TTC17: variants seen among roughly 807,000 people sequenced by gnomAD.
TTC17 encodes the protein tetratricopeptide repeat protein 17.
TTC17 carries 58 observed loss-of-function variants against 143.8 expected under a neutral mutation model. The ratio of observed to expected loss-of-function variants is 0.40; its 90% CI spans 0.33 to 0.50. The LOEUF (loss-of-function observed/expected upper bound fraction) is 0.50. Ranked by LOEUF, TTC17 falls within the 20% of genes least tolerant of loss-of-function variation. The pLI is 0.49. For synonymous variants in TTC17, 501 were observed against 497.8 expected (o/e 1.01, Z -0.09); for missense variants, 1,273 against 1,392.5 (o/e 0.91, Z 1.37).
intron 15 of TTC17, among the ~76,000 whole-genome samples, chr11:43,407,790 GTTT>G (rs200135125): frequency 6.9e-6 from 1 of 143,922 alleles, no homozygotes; most frequent in African/African-American, 2.5e-5. Flanking sequence ...ACACAGTTAA[GTTT>G]TTTTTTTTTT....
intron 22 of TTC17, 161 bp from the exon 23 acceptor site, chr11:43,491,859 A>T (rs887157748): frequency 1.3e-6 from 1 of 790,048 alleles, no homozygotes; most frequent in East Asian, 2.6e-5. Context: ...CAAGCACCTT[A>T]TCTATCACAG....
At chr11:43,412,069 A>G (rs1003241712) in intron 15 of TTC17, among the ~76,000 whole-genome samples, 1 of 152,238 alleles carries the variant, frequency 6.6e-6, no homozygotes, top group East Asian at 1.9e-4. Flanking sequence ...AAATATAAAA[A>G]CACTATAGAT....
chr11:43,378,143 T>C (rs1474111720), intron 1 of TTC17, among the ~76,000 whole-genome samples: 1 of 152,198 alleles, frequency 6.6e-6, no homozygotes, highest in African/African-American at 2.4e-5. Flanking sequence ...CCTCAGGTGA[T>C]CCACCTGCCT....
chr11:43,487,072 A>C lies in TTC17; in HGVS notation c.3031-3167A>C, dbSNP rs147631833. Among the ~76,000 whole-genome samples the C allele has an allele frequency of 4.6e-3, 695 of 152,258 alleles. 2 individuals carry two copies. The highest frequency in any genetic ancestry group is 8.0e-3 in the Non-Finnish European group (543 of 68,020). ...CAGAAAAAAGAAGAAATTATATATT[A>C]TATGTGTATTTAATTATTTATGTTC... On this transcript the variant is annotated intron_variant, in intron 21 of 23. Coordinates refer to ENST00000039989, the MANE Select transcript of TTC17 (RefSeq NM_018259.6).
At chr11:43,413,818 CAG>C (rs1554990890) in intron 15 of TTC17, among the ~76,000 whole-genome samples, 3 of 152,056 alleles carry the variant, frequency 2.0e-5, no homozygotes, top group African/African-American at 4.8e-5. Context: ...ACTGACAATA[CAG>C]AGTCTCTGAA....
In TTC17 at chr11:43,481,360, T is replaced by A. The variant is rs79522432; in HGVS notation, c.3031-8879T>A. Among the ~76,000 whole-genome samples the A allele has an allele frequency of 4.7e-3, 720 of 152,310 alleles. 7 individuals carry two copies. Among genetic ancestry groups the A allele is most frequent in the African/African-American group, 0.016 (681 of 41,570 alleles). On this transcript the variant is annotated intron_variant, in intron 21 of 23. Coordinates refer to ENST00000039989, the MANE Select transcript of TTC17 (RefSeq NM_018259.6). ...AGGGATATTGGTCTGTGGTTTTTTT[T>A]ATTATGTTTTTGTGAAGTTTTGGTA...
At position 43,493,756 on chromosome 11, in the gene TTC17, C is replaced by A; in HGVS notation, c.3295-17C>A. On this transcript the variant is annotated splice_polypyrimidine_tract_variant and intron_variant, in intron 23 of 23. Transcript: ENST00000039989. The stretch of plus-strand genomic sequence containing the variant: ...GCTGGTGCCATCCCCTCACATTTCT[C>A]TCCTTGGCCCTCACAGGAAGAATTT... 1 of 1,613,982 alleles carries A rather than the reference C, an allele frequency of 6.2e-7. No homozygotes were observed. The highest frequency in any genetic ancestry group is 8.5e-7 in the Non-Finnish European group (1 of 1,179,938).
At chr11:43,466,827 A>C (rs568574100) in intron 21 of TTC17, 73 of 288,364 alleles carry the variant, frequency 2.5e-4, no homozygotes, top group Non-Finnish European at 3.7e-4. Flanking sequence ...TGGGTCCAGG[A>C]ATGGCAAGAC....
intron 16 of TTC17, among the ~76,000 whole-genome samples, chr11:43,423,203 A>AG (rs1565158226): frequency 6.6e-6 from 1 of 152,296 alleles, no homozygotes; most frequent in East Asian, 1.9e-4. Context: ...ATTTGATGAG[A>AG]GAGGAAAGGC....
chr11:43,436,445 T>C, intron 16 of TTC17: 3 of 1,021,064 alleles, frequency 2.9e-6, no homozygotes, highest in Non-Finnish European at 3.8e-6. Flanking sequence ...ACAATCATTA[T>C]ATTGTAGCAT....
intron 1 of TTC17, among the ~76,000 whole-genome samples, chr11:43,377,409 A>G (rs928561826): frequency 2.0e-5 from 3 of 152,240 alleles, no homozygotes; most frequent in Non-Finnish European, 4.4e-5. Context: ...ACATACTCTG[A>G]TAATCTAAGG....
Position 43,444,195 on chromosome 11 carries a change from C to G in TTC17, c.2651C>G (p.Ser884Cys). 1 of 1,603,636 alleles carries G rather than the reference C, an allele frequency of 6.2e-7. No homozygotes were observed. Among genetic ancestry groups the G allele is most frequent in the Non-Finnish European group, 8.5e-7 (1 of 1,176,998 alleles). The change falls in exon 18 of 24, where the codon TCT becomes TGT. Residue 884 changes from serine to cysteine, a missense_variant. Around this residue, in one of 3 missense-constraint regions of TTC17, gnomAD observed 878 missense variants for 899.8 expected, o/e 0.98. Transcript: ENST00000039989. ...GAGATCACTGGCCCCAAGGTGGCAT[C>G]TCCTGGGCCACAAGGTAAATTTGAA... ...NLEITGPKVA[S>C]PGPQGKKRDY...
intron 16 of TTC17, among the ~76,000 whole-genome samples, chr11:43,423,686 A>G (rs1432825581): frequency 6.6e-6 from 1 of 152,226 alleles, no homozygotes; most frequent in Non-Finnish European, 1.5e-5. Context: ...GAAAAATGAT[A>G]ATGATTTTCC....
At chr11:43,459,886 A>C (rs1251414394) in intron 21 of TTC17, among the ~76,000 whole-genome samples, 1 of 152,234 alleles carries the variant, frequency 6.6e-6, no homozygotes, top group Non-Finnish European at 1.5e-5. Context: ...ATATAACATA[A>C]TGCAAGTGTT....
chr11:43,415,218 C>CT (rs1271381904), intron 16 of TTC17, among the ~76,000 whole-genome samples: 1 of 152,114 alleles, frequency 6.6e-6, no homozygotes, highest in Non-Finnish European at 1.5e-5. Flanking sequence ...GACCTTTACT[C>CT]TACCTTTAAT....
intron 21 of TTC17, 183 bp from the exon 22 acceptor site, chr11:43,490,056 C>G: frequency 1.5e-6 from 1 of 682,752 alleles, no homozygotes; most frequent in Non-Finnish European, 2.2e-6. Context: ...ATAGTAGTAT[C>G]AAGCTCACAG....
chr11:43,424,924 G>A (rs913870973), intron 16 of TTC17, among the ~76,000 whole-genome samples: 1 of 152,108 alleles, frequency 6.6e-6, no homozygotes, highest in Non-Finnish European at 1.5e-5. Flanking sequence ...ATTTAACAAG[G>A]TATTTTTAAT....
chr11:43,470,773 T>G (rs867761571), intron 21 of TTC17, among the ~76,000 whole-genome samples: 4 of 152,114 alleles, frequency 2.6e-5, no homozygotes, highest in Non-Finnish European at 5.9e-5. Flanking sequence ...CTCAGTAGCT[T>G]TAGGGTGAGG....
intron 1 of TTC17, 45 bp downstream of exon 1, chr11:43,359,158 C>T (rs542606963): frequency 1.3e-6 from 2 of 1,523,248 alleles, no homozygotes; most frequent in Non-Finnish European, 1.8e-6. Context: ...GCCCTCGCCC[C>T]GGGGGGATTA....
Sources: allele counts gnomAD v4.1 joint callset (sites outside exome capture counted in the v4.1 genomes callset), GRCh38; gene constraint gnomAD v4.1.1; regional missense constraint gnomAD v4.1.1; transcripts MANE v1.5; gene names NCBI Gene and HGNC (gene_info 2026-07-23, HGNC 2026-07-21).